SH3PXD2A: variants seen among roughly 807,000 people sequenced by gnomAD.
SH3PXD2A encodes SH3 and PX domain-containing protein 2A.
SH3PXD2A carries 32 observed loss-of-function variants against 115.2 expected under a neutral mutation model. That is an observed-to-expected ratio of 0.28 (90% confidence interval 0.21 to 0.37). The LOEUF (loss-of-function observed/expected upper bound fraction) is 0.37, where lower values mean the gene tolerates loss of function less well. SH3PXD2A is among the 10% of genes least tolerant of loss of function. The probability of loss-of-function intolerance (pLI) is 1.00; values close to 1 mark genes in which losing one functional copy is unlikely to be tolerated. For missense variants in SH3PXD2A, 1,328 were observed against 1,498.7 expected, an observed-to-expected ratio of 0.89 and a Z score of 1.88; for synonymous variants, 610 against 629.1, an observed-to-expected ratio of 0.97 and a Z score of 0.45.
In SH3PXD2A at chr10:103,855,423, C is replaced by T. The variant is rs1842931904; in HGVS notation, c.-157G>A. On this transcript the variant is annotated 5_prime_UTR_variant, in exon 1 of 15. Transcript: ENST00000369774. ...GACTCCCGGCGCCCACAGGTCCGGCCCAGGGACGGGGGAGGGTCCCGGAGG... is the reference window on the plus strand; with the variant it reads ...GACTCCCGGCGCCCACAGGTCCGGCTCAGGGACGGGGGAGGGTCCCGGAGG... 4.9e-6 allele frequency: 2 copies of T among 408,536 alleles called. No individual in the cohort carries two copies. The highest frequency in any genetic ancestry group is 8.3e-6 in the Non-Finnish European group (2 of 240,544). The allele number at this position is 408,536 out of a possible 1,614,324, so 25.3% of individuals were successfully genotyped here. A position where few individuals can be genotyped will look rare whatever the true frequency, so the allele number is the denominator to read the frequency against.
At chr10:103,710,201 T>G (rs2038031275) in intron 5 of SH3PXD2A, among the ~76,000 whole-genome samples, 1 of 151,934 alleles carries the variant, frequency 6.6e-6, no homozygotes, top group African/African-American at 2.4e-5. Flanking sequence ...GAGACCAGCC[T>G]GGGCAACATA....
In SH3PXD2A at chr10:103,718,585, T is replaced by C. The variant is rs773382401; in HGVS notation, c.398+5685A>G. The stretch of plus-strand genomic sequence containing the variant: ...TGGCCTGGGGAAGTCAGGTAACTGC[T>C]AGCAACTTCGCTTCCCCATCTGCTA... On this transcript the variant is annotated intron_variant, in intron 5 of 14. Transcript: ENST00000369774. Among the ~76,000 whole-genome samples, 95 of 152,352 alleles carry C rather than the reference T, an allele frequency of 6.2e-4. 1 individual carries two copies. The highest frequency in any genetic ancestry group is 2.1e-4 in the Non-Finnish European group (14 of 68,034).
intron 3 of SH3PXD2A, among the ~76,000 whole-genome samples, chr10:103,750,783 C>CT (rs56018229): frequency 0.095 from 14,513 of 152,008 alleles, 739 homozygotes; most frequent in South Asian, 0.14. Flanking sequence ...GGGGCACGGG[C>CT]TTTTTTTGTT....
intron 1 of SH3PXD2A, among the ~76,000 whole-genome samples, chr10:103,840,799 G>C (rs954709298): frequency 2.6e-5 from 4 of 151,856 alleles, no homozygotes; most frequent in Admixed American, 6.5e-5. Context: ...GATGTGCTTA[G>C]TGGCGGGCAC....
At chr10:103,843,611 G>A (rs914733661) in intron 1 of SH3PXD2A, among the ~76,000 whole-genome samples, 3 of 152,170 alleles carry the variant, frequency 2.0e-5, no homozygotes, top group Non-Finnish European at 4.4e-5. Flanking sequence ...CTTAACATCC[G>A]CTCCAACCAC....
At chr10:103,688,519 G>A (rs2037708017) in intron 6 of SH3PXD2A, among the ~76,000 whole-genome samples, 1 of 152,196 alleles carries the variant, frequency 6.6e-6, no homozygotes, top group South Asian at 2.1e-4. Flanking sequence ...AGGCAGCTTC[G>A]CTAAGAAGGT....
At chr10:103,661,175 G>T in intron 7 of SH3PXD2A, 61 bp from the exon 8 acceptor site, 1 of 1,578,582 alleles carries the variant, frequency 6.3e-7, no homozygotes, top group Non-Finnish European at 8.6e-7. Flanking sequence ...CGGCCAGGGC[G>T]CCCCCTGTCC....
intron 1 of SH3PXD2A, among the ~76,000 whole-genome samples, chr10:103,835,320 C>T (rs1430908304): frequency 6.6e-6 from 1 of 152,220 alleles, no homozygotes; most frequent in Non-Finnish European, 1.5e-5. Flanking sequence ...CCAGGCAACT[C>T]GGGTGGCCCC....
chr10:103,690,899 C>T (rs1418334092), intron 6 of SH3PXD2A, among the ~76,000 whole-genome samples: 1 of 152,142 alleles, frequency 6.6e-6, no homozygotes, highest in Non-Finnish European at 1.5e-5. Flanking sequence ...AACCATGACA[C>T]TAAGTGGCCA....
chr10:103,809,566 G>C (rs923313562), intron 1 of SH3PXD2A, among the ~76,000 whole-genome samples: 1 of 152,172 alleles, frequency 6.6e-6, no homozygotes, highest in Admixed American at 6.5e-5. Context: ...CTCTACAGTA[G>C]GGAGCATCCT....
At chr10:103,808,668 A>G (rs916873056) in intron 1 of SH3PXD2A, among the ~76,000 whole-genome samples, 3 of 152,110 alleles carry the variant, frequency 2.0e-5, no homozygotes, top group Admixed American at 1.3e-4. Context: ...TGCTCATAGT[A>G]TGCTTTCCAT....
intron 10 of SH3PXD2A, among the ~76,000 whole-genome samples, chr10:103,619,812 G>C (rs968820275): frequency 6.6e-6 from 1 of 152,216 alleles, no homozygotes; most frequent in Non-Finnish European, 1.5e-5. Context: ...AGGAGTTCAC[G>C]TGCTGCTGGT....
In SH3PXD2A at chr10:103,775,398, C is replaced by T. The variant is rs568971613; in HGVS notation, c.154-8229G>A. Among the ~76,000 whole-genome samples, 24 of 152,268 alleles carry T rather than the reference C, an allele frequency of 1.6e-4. 1 individual carries two copies. In the South Asian group the frequency reaches 4.8e-3, roughly 30 times the overall value. Reference sequence around the variant, plus strand: ...TTAACTAGCAGCATTAAGTGGGTGTCAACCTGCTGAGTGGTATGAAAAGCC... The same window carrying T: ...TTAACTAGCAGCATTAAGTGGGTGTTAACCTGCTGAGTGGTATGAAAAGCC... On this transcript the variant is annotated intron_variant, in intron 2 of 14. Coordinates refer to ENST00000369774, the MANE Select transcript of SH3PXD2A (RefSeq NM_001394015.1).
intron 10 of SH3PXD2A, 145 bp from the exon 11 acceptor site, chr10:103,617,459 G>T (rs890458825): frequency 1.6e-6 from 1 of 632,342 alleles, no homozygotes; most frequent in Non-Finnish European, 2.8e-6. Context: ...TCCAGGGGAG[G>T]GAAGGACCAG....
In SH3PXD2A at chr10:103,602,415, C is replaced by T; in HGVS notation, c.2803G>A (p.Ala935Thr). Residue 935 changes from alanine (A) to threonine (T), a missense_variant, in exon 15 of 15, where the codon GCA (alanine) becomes ACA (threonine). This residue lies in a region of SH3PXD2A where 574 missense variants were observed against 565.7 expected (regional missense o/e 1.01). Coordinates refer to ENST00000369774, the MANE Select transcript of SH3PXD2A (RefSeq NM_001394015.1). ...TTGCTCTGGTTGACGGTGTTCAGTG[C>T]TTGGACGCGCCTCTCGATCTTCTCC... ...SLEKIERRVQ[A>T]LNTVNQSKKA... is the part of the protein sequence containing the mutation. The T allele has an allele frequency of 6.2e-7, 1 of 1,614,122 alleles. No homozygotes were observed. The highest frequency in any genetic ancestry group is 8.5e-7 in the Non-Finnish European group (1 of 1,180,032).
chr10:103,841,328 C>T (rs187962959), intron 1 of SH3PXD2A, among the ~76,000 whole-genome samples: 134 of 152,310 alleles, frequency 8.8e-4, no homozygotes, highest in African/African-American at 3.1e-3. Flanking sequence ...CTGCTTTCAA[C>T]ACAGCACCTT....
At chr10:103,855,162 AC>A in intron 1 of SH3PXD2A, 32 bp downstream of exon 1, 1 of 1,487,184 alleles carries the variant, frequency 6.7e-7, no homozygotes, top group Non-Finnish European at 9.0e-7. Context: ...ACCTCGGGCC[AC>A]CCCCAGCAGG....
intron 3 of SH3PXD2A, among the ~76,000 whole-genome samples, chr10:103,738,332 G>T (rs375974924): frequency 6.6e-6 from 1 of 152,236 alleles, no homozygotes; most frequent in African/African-American, 2.4e-5. Flanking sequence ...TCGCTTGATT[G>T]CTCACATGCC....
In SH3PXD2A at chr10:103,602,545, G is replaced by A; in HGVS notation, c.2673C>T (p.Ser891=). 1 of 1,614,152 alleles carries A rather than the reference G, an allele frequency of 6.2e-7. No homozygotes were observed. The highest frequency in any genetic ancestry group is 8.5e-7 in the Non-Finnish European group (1 of 1,180,018). Residue 891 remains serine (S), a synonymous_variant, in exon 15 of 15, where the codon TCC becomes TCT. Coordinates refer to ENST00000369774, the MANE Select transcript of SH3PXD2A (RefSeq NM_001394015.1). ...RFGELEGWAP[S]HYLVLDENEQ... ...CGTTCTCATCCAGCACCAAATAGTG[G>A]GAAGGGGCCCAGCCCTCCAGCTCCC... is the stretch of plus-strand genomic sequence containing the variant.
Sources: gnomAD v4.1 joint callset for allele counts (sites outside exome capture counted in the v4.1 genomes callset) on GRCh38, gnomAD v4.1.1 for gene constraint, gnomAD v4.1.1 regional missense constraint, MANE v1.5 for transcripts, NCBI Gene and HGNC (gene_info 2026-07-23, HGNC 2026-07-21) for gene names.